The following ATP9B variants were observed in gnomAD, a reference collection of about 807,000 sequenced individuals.
ATP9B encodes the protein probable phospholipid-transporting ATPase IIB.
A neutral mutation model predicts 146.1 loss-of-function variants in ATP9B; 110 were observed. The observed-to-expected ratio is 0.75, with a 90% CI of 0.65 to 0.88. ATP9B has a LOEUF of 0.88. ATP9B is among the 40% of genes least tolerant of loss of function. The pLI is 0.00. For missense variants in ATP9B, 1,499 were observed against 1,496.4 expected, an observed-to-expected ratio of 1.00 and a Z score of -0.03; for synonymous variants, 604 against 569.7, an observed-to-expected ratio of 1.06 and a Z score of -0.86.
chr18:79,342,989 A>C (rs776971344), intron 20 of ATP9B, among the ~76,000 whole-genome samples: 7 of 152,242 alleles, frequency 4.6e-5, no homozygotes, highest in Non-Finnish European at 2.9e-5. Flanking sequence ...TGTATGTATT[A>C]GTTATGACTA....
intron 1 of ATP9B, among the ~76,000 whole-genome samples, chr18:79,093,488 C>A (rs1056414661): frequency 7.2e-5 from 11 of 152,242 alleles, no homozygotes; most frequent in African/African-American, 2.6e-4. Flanking sequence ...TTCATCTTTG[C>A]TTCTAGTAGT....
chr18:79,156,707 C>T (rs577821591), intron 7 of ATP9B, among the ~76,000 whole-genome samples: 1 of 152,264 alleles, frequency 6.6e-6, no homozygotes, highest in East Asian at 1.9e-4. Context: ...AGTGTTACTG[C>T]TTATATTTTG....
chr18:79,131,945 A>G (rs1254099703), intron 5 of ATP9B, among the ~76,000 whole-genome samples: 3 of 152,222 alleles, frequency 2.0e-5, no homozygotes, highest in Non-Finnish European at 2.9e-5. Context: ...GGAGGTGGCC[A>G]TAGATGAGCG....
chr18:79,171,120 T>G (rs2095063943), intron 7 of ATP9B, among the ~76,000 whole-genome samples: 2 of 152,326 alleles, frequency 1.3e-5, no homozygotes, highest in South Asian at 4.1e-4. Context: ...AAAACAGAAT[T>G]AAAATTCAAG....
At chr18:79,264,713 A>G (rs2096183725) in intron 12 of ATP9B, among the ~76,000 whole-genome samples, 1 of 151,496 alleles carries the variant, frequency 6.6e-6, no homozygotes, top group Non-Finnish European at 1.5e-5. Context: ...ACAGTTTTTA[A>G]ATACCATATT....
intron 2 of ATP9B, 116 bp downstream of exon 2, chr18:79,096,765 G>A (rs2074817590): frequency 6.0e-6 from 5 of 835,112 alleles, no homozygotes; most frequent in Admixed American, 3.1e-5. Context: ...TTCCTTAAAT[G>A]ATATCATGGA....
intron 15 of ATP9B, among the ~76,000 whole-genome samples, chr18:79,312,091 T>A (rs1454457757): frequency 6.6e-6 from 1 of 152,172 alleles, no homozygotes; most frequent in African/African-American, 2.4e-5. Flanking sequence ...GAGACCGGTC[T>A]GCTCACGCGC....
Position 79,180,602 on chromosome 18 carries a change from GTC to G in ATP9B, c.873+3697_873+3698del, listed in dbSNP as rs770518946. On this transcript the variant is annotated intron_variant, in intron 8 of 29. Coordinates refer to ENST00000426216, the MANE Select transcript of ATP9B (RefSeq NM_198531.5). ...TTAAAGATAGTAAAAAATGAAAACA[GTC>G]TTTTCTGTTTACCCATGTGTTTGTT... 1.1e-4 allele frequency among the ~76,000 whole-genome samples: 16 copies of G among 152,252 alleles called. 1 individual carries two copies. In the South Asian group the frequency reaches 2.7e-3, roughly 26 times the overall value.
At chr18:79,186,656 C>T (rs991883697) in intron 8 of ATP9B, among the ~76,000 whole-genome samples, 1 of 152,182 alleles carries the variant, frequency 6.6e-6, no homozygotes, top group Non-Finnish European at 1.5e-5. Context: ...TTTCATAATT[C>T]TCAAGTTACT....
chr18:79,191,508 G>A (rs1187051799), intron 8 of ATP9B, among the ~76,000 whole-genome samples: 5 of 152,050 alleles, frequency 3.3e-5, no homozygotes, highest in Non-Finnish European at 7.4e-5. Context: ...CTGTATTCAT[G>A]TTCAAAATAA....
chr18:79,347,297 A>G (rs73490264), intron 23 of ATP9B, among the ~76,000 whole-genome samples: 8,081 of 152,338 alleles, frequency 0.053, 738 homozygotes, highest in African/African-American at 0.18. Flanking sequence ...TTCATTTTGT[A>G]ATGCCTTACA....
intron 8 of ATP9B, among the ~76,000 whole-genome samples, chr18:79,191,375 G>T (rs2095364931): frequency 2.0e-5 from 3 of 151,944 alleles, no homozygotes; most frequent in Non-Finnish European, 4.4e-5. Context: ...AGTAAATTTG[G>T]CATATTTTTA....
At chr18:79,307,327 G>C in intron 15 of ATP9B, 93 bp downstream of exon 15, 1 of 1,555,606 alleles carries the variant, frequency 6.4e-7, no homozygotes, top group Non-Finnish European at 8.7e-7. Context: ...GGAATATAGA[G>C]GAGCAGTTTA....
chr18:79,292,742 A>G (rs2096519054), intron 13 of ATP9B, among the ~76,000 whole-genome samples: 2 of 150,662 alleles, frequency 1.3e-5, no homozygotes, highest in Non-Finnish European at 2.9e-5. Context: ...ATGTGAGGTT[A>G]GGGGTTTGTT....
At chr18:79,366,288 C>T (rs1270740717) in intron 26 of ATP9B, among the ~76,000 whole-genome samples, 6 of 152,172 alleles carry the variant, frequency 3.9e-5, no homozygotes, top group Admixed American at 2.0e-4. Context: ...GCCCGCTGGA[C>T]GGCACCAGCA....
intron 11 of ATP9B, among the ~76,000 whole-genome samples, chr18:79,233,225 G>T (rs1383329824): frequency 6.6e-6 from 1 of 152,072 alleles, no homozygotes; most frequent in African/African-American, 2.4e-5. Flanking sequence ...CCGGAAGGCA[G>T]AGCTTTCAGT....
intron 4 of ATP9B, among the ~76,000 whole-genome samples, chr18:79,121,867 C>G (rs1410053680): frequency 6.6e-6 from 1 of 152,188 alleles, no homozygotes; most frequent in African/African-American, 2.4e-5. Flanking sequence ...CCTCTTTATT[C>G]TGTCTTCTCT....
chr18:79,329,083 G>A (rs934328970), intron 15 of ATP9B, 58 bp from the exon 16 acceptor site: 51 of 1,421,462 alleles, frequency 3.6e-5, no homozygotes, highest in African/African-American at 1.9e-4. Flanking sequence ...GTGCTGGCTC[G>A]CCTGCGTGCG....
At chr18:79,371,649 C>T (rs921686384) in intron 26 of ATP9B, among the ~76,000 whole-genome samples, 10 of 152,340 alleles carry the variant, frequency 6.6e-5, no homozygotes, top group African/African-American at 2.4e-4. Context: ...TGTGATGGCT[C>T]ATGCCTGTGT....
Sources: gnomAD v4.1 joint callset for allele counts (sites outside exome capture counted in the v4.1 genomes callset) on GRCh38, gnomAD v4.1.1 for gene constraint, MANE v1.5 for transcripts, NCBI Gene and HGNC (gene_info 2026-07-23, HGNC 2026-07-21) for gene names.